Variants in SDK1 observed in about 807,000 individuals in gnomAD.
SDK1 encodes the protein protein sidekick-1.
SDK1 carries 157 observed loss-of-function variants against 245.5 expected under a neutral mutation model. The ratio of observed to expected loss-of-function variants is 0.64; its 90% CI spans 0.56 to 0.73. The LOEUF (loss-of-function observed/expected upper bound fraction) is 0.73. Ranked by LOEUF, SDK1 falls within the 30% of genes least tolerant of loss-of-function variation. The pLI is 0.00. For synonymous variants in SDK1, 1,647 were observed against 1,278.5 expected (o/e 1.29, Z -6.15); for missense variants, 3,583 against 3,002.3 (o/e 1.19, Z -4.52).
At chr7:3,658,234 A>T (rs938490029) in intron 4 of SDK1, among the ~76,000 whole-genome samples, 1 of 152,128 alleles carries the variant, frequency 6.6e-6, no homozygotes, top group African/African-American at 2.4e-5. Context: ...TCATTTTCTC[A>T]TGAGGGCCCA....
intron 1 of SDK1, among the ~76,000 whole-genome samples, chr7:3,424,263 G>A (rs1432793392): frequency 6.6e-6 from 1 of 152,094 alleles, no homozygotes; most frequent in Non-Finnish European, 1.5e-5. Flanking sequence ...TGAACAAATT[G>A]TAAGAAGATT....
rs1413631809 is a variant in SDK1 at position 4,213,595 on chromosome 7, A to C, written c.5539+3433A>C. Among the ~76,000 whole-genome samples, 14 of 152,064 alleles carry C rather than the reference A, an allele frequency of 9.2e-5. No homozygotes were observed. In the East Asian group the frequency reaches 1.6e-3, roughly 17 times the overall value. On this transcript the variant is annotated intron_variant, in intron 38 of 44. Coordinates refer to ENST00000404826, the MANE Select transcript of SDK1 (RefSeq NM_152744.4). ...CGAGATTCTGTCTCAAAAAAAAAAA[A>C]ACCAGTACTTCATTCCAGGCAAGGC...
intron 1 of SDK1, among the ~76,000 whole-genome samples, chr7:3,377,430 G>C (rs1342350418): frequency 6.6e-6 from 1 of 152,188 alleles, no homozygotes; most frequent in Admixed American, 6.5e-5. Context: ...CTGGAATGTG[G>C]TCAGGTTGCT....
chr7:3,536,117 T>A (rs1010449134), intron 1 of SDK1, among the ~76,000 whole-genome samples: 3 of 151,676 alleles, frequency 2.0e-5, no homozygotes, highest in African/African-American at 7.3e-5. Flanking sequence ...AGTGCAGTGG[T>A]GCGATCTCGG....
Position 3,737,704 on chromosome 7 carries a change from G to T in SDK1, c.714-83746G>T, listed in dbSNP as rs559508073. Among the ~76,000 whole-genome samples the T allele has an allele frequency of 1.9e-3, 294 of 152,328 alleles. 1 individual carries two copies. The highest frequency in any genetic ancestry group is 6.7e-3 in the African/African-American group (280 of 41,570). ...CCTTCTTTGTTCCTAGCCAACCCCA[G>T]GTGGTCTTATTTTCCCAGTGTTCCT... is the stretch of plus-strand genomic sequence containing the variant. On this transcript the variant is annotated intron_variant, in intron 4 of 44. Transcript: ENST00000404826.
At chr7:3,729,691 G>A (rs1380153476) in intron 4 of SDK1, among the ~76,000 whole-genome samples, 4 of 152,050 alleles carry the variant, frequency 2.6e-5, no homozygotes, top group Non-Finnish European at 4.4e-5. Flanking sequence ...GAACATCTGC[G>A]GCCCTAGGTC....
chr7:4,261,788 C>T (rs35863749), intron 44 of SDK1, among the ~76,000 whole-genome samples: 28,886 of 151,898 alleles, frequency 0.19, 3,067 homozygotes, highest in Non-Finnish European at 0.24. Flanking sequence ...CTGCCTGACC[C>T]CTGTGAGAGA....
chr7:3,482,174 C>T (rs532312795), intron 1 of SDK1, among the ~76,000 whole-genome samples: 9 of 152,220 alleles, frequency 5.9e-5, no homozygotes, highest in African/African-American at 1.2e-4. Flanking sequence ...GTCTATTCAT[C>T]GATCAGATAC....
intron 5 of SDK1, among the ~76,000 whole-genome samples, chr7:3,912,806 A>G: frequency 6.6e-6 from 1 of 152,214 alleles, no homozygotes; most frequent in East Asian, 1.9e-4. Context: ...CTGGGTGGAG[A>G]AGAAGACCCG....
chr7:3,422,406 A>ATGTT (rs1179739245), intron 1 of SDK1, among the ~76,000 whole-genome samples: 2 of 152,246 alleles, frequency 1.3e-5, no homozygotes, highest in Non-Finnish European at 2.9e-5. Context: ...ATCTAAATAA[A>ATGTT]TGTTAGTAGG....
intron 35 of SDK1, among the ~76,000 whole-genome samples, chr7:4,187,703 A>G (rs1782972258): frequency 6.6e-6 from 1 of 152,256 alleles, no homozygotes; most frequent in Admixed American, 6.5e-5. Context: ...CAATTCATGA[A>G]TCAGGCAGCA....
intron 13 of SDK1, among the ~76,000 whole-genome samples, chr7:3,983,881 G>C (rs988269251): frequency 5.3e-5 from 8 of 152,162 alleles, no homozygotes; most frequent in African/African-American, 9.7e-5. Context: ...AGTGACTTCG[G>C]GGGACAGTCG....
intron 1 of SDK1, among the ~76,000 whole-genome samples, chr7:3,345,411 ATGAGAATTTCC>A (rs1780465739): frequency 6.6e-6 from 1 of 152,198 alleles, no homozygotes; most frequent in African/African-American, 2.4e-5. Flanking sequence ...TCATTAAGAG[ATGAGAATTTCC>A]TGAAAAAAAT....
chr7:3,918,815 T>C (rs1162299880), intron 5 of SDK1, among the ~76,000 whole-genome samples: 1 of 152,090 alleles, frequency 6.6e-6, no homozygotes, highest in African/African-American at 2.4e-5. Flanking sequence ...CTTCCTGTCT[T>C]AGTTGGCCCC....
chr7:3,779,659 G>A (rs75466713), intron 4 of SDK1, among the ~76,000 whole-genome samples: 4,233 of 152,182 alleles, frequency 0.028, 183 homozygotes, highest in African/African-American at 0.097. Context: ...GAGTCCGGGC[G>A]CGGTGGCTCA....
chr7:3,593,243 C>G (rs752287383), intron 1 of SDK1, among the ~76,000 whole-genome samples: 1 of 152,128 alleles, frequency 6.6e-6, no homozygotes, highest in Non-Finnish European at 1.5e-5. Flanking sequence ...TGAAAAGTGG[C>G]CTTTTGTCTT....
chr7:3,365,683 C>T (rs1014605037), intron 1 of SDK1, among the ~76,000 whole-genome samples: 7 of 152,086 alleles, frequency 4.6e-5, no homozygotes, highest in African/African-American at 1.7e-4. Context: ...ATAGTCCTTT[C>T]AATATATACT....
At chr7:3,302,391 C>G (rs1018899119) in intron 1 of SDK1, 1 of 152,164 alleles carries the variant, frequency 6.6e-6, no homozygotes, top group Non-Finnish European at 1.5e-5. Flanking sequence ...TCCCAAAGCC[C>G]GACCCCAAGT....
intron 4 of SDK1, among the ~76,000 whole-genome samples, chr7:3,696,307 G>A (rs1220002486): frequency 2.0e-5 from 3 of 152,026 alleles, no homozygotes; most frequent in South Asian, 2.1e-4. Flanking sequence ...CCCCAATCAC[G>A]TGATCTCTGC....
Sources: gnomAD v4.1 joint callset for allele counts (sites outside exome capture counted in the v4.1 genomes callset) on GRCh38, gnomAD v4.1.1 for gene constraint, MANE v1.5 for transcripts, NCBI Gene and HGNC (gene_info 2026-07-23, HGNC 2026-07-21) for gene names.